Variants in ULBP3 observed in about 807,000 individuals in gnomAD.
ULBP3 encodes the protein UL16-binding protein 3.
ULBP3 carries 25 observed loss-of-function variants against 24.9 expected under a neutral mutation model. The observed-to-expected ratio is 1.00, with a 90% CI of 0.73 to 1.40. The LOEUF is 1.40. Ranked by LOEUF, ULBP3 falls within the 40% of genes most tolerant of loss-of-function variation. The pLI is 0.00. For missense variants in ULBP3, 306 were observed against 307.5 expected, an observed-to-expected ratio of 1.00 and a Z score of 0.04; for synonymous variants, 114 against 114.7, an observed-to-expected ratio of 0.99 and a Z score of 0.04.
chr6:150,061,697 A>G lies in ULBP3; in HGVS notation c.*1677T>C, dbSNP rs894938456. 1.3e-5 allele frequency among the ~76,000 whole-genome samples: 2 copies of G among 152,244 alleles called. No individual in the cohort carries two copies. The highest frequency in any genetic ancestry group is 6.5e-5 in the Admixed American group (1 of 15,284). ...TGATTCTGTGTCCTTGCTAGTAAGA[A>G]TAGCACTGTAATGAACATATTGGTG... On this transcript the variant is annotated 3_prime_UTR_variant, in exon 5 of 5. Coordinates refer to ENST00000367339, the MANE Select transcript of ULBP3 (RefSeq NM_024518.3).
At chr6:150,068,849 C>G (rs1776386212) in intron 1 of ULBP3, 130 bp downstream of exon 1, 1 of 979,516 alleles carries the variant, frequency 1.0e-6, no homozygotes, top group Non-Finnish European at 1.4e-6. Flanking sequence ...CGAATCGGAA[C>G]TGAGCGTGGG....
At position 150,063,296 on chromosome 6, in the gene ULBP3, A is replaced by C; in HGVS notation, c.*78T>G. 2 of 949,888 alleles carry C rather than the reference A, an allele frequency of 2.1e-6. No homozygotes were observed. The highest frequency in any genetic ancestry group is 9.7e-5 in the South Asian group (2 of 20,570). The allele number at this position is 949,888 out of a possible 1,614,324, so 58.8% of individuals were successfully genotyped here. On this transcript the variant is annotated 3_prime_UTR_variant, in exon 5 of 5. Transcript: ENST00000367339. ...GGTGAGTAGACAGGCGGCCTCCCTG[A>C]AGGGAGAGCAGGAACCAGACCAGGC...
rs1776390117 is a variant in ULBP3 at position 150,068,992 on chromosome 6, C to T, written c.75G>A (p.Gly25=). The change falls in exon 1 of 5, where the codon GGG becomes GGA. Residue 25 remains glycine (G), a synonymous_variant. Transcript: ENST00000367339. ...ILPYLLFDWS[G]TGRADAHSLW... ...CCCCGAACTCACCGGCCCGCCCCGT[C>T]CCGGACCAGTCGAATAGCAGGTACG... The T allele has an allele frequency of 6.2e-7, 1 of 1,611,352 alleles. No homozygotes were observed. The highest frequency in any genetic ancestry group is 1.1e-5 in the South Asian group (1 of 90,694).
intron 4 of ULBP3, 145 bp from the exon 5 acceptor site, chr6:150,063,496 G>T: frequency 3.2e-6 from 1 of 310,140 alleles, no homozygotes; most frequent in Non-Finnish European, 4.7e-6. Flanking sequence ...ACCCCTGGCT[G>T]TGCAGCCTTT....
At chr6:150,067,251 C>T (rs1028973524) in intron 1 of ULBP3, among the ~76,000 whole-genome samples, 2 of 152,306 alleles carry the variant, frequency 1.3e-5, no homozygotes, top group Non-Finnish European at 2.9e-5. Flanking sequence ...GACGCAGAGT[C>T]CATTACTAGA....
chr6:150,064,534 C>T (rs4869815), intron 4 of ULBP3, 51 bp downstream of exon 4: 180,513 of 1,529,564 alleles, frequency 0.12, 11,862 homozygotes, highest in African/African-American at 0.23. Flanking sequence ...TTCCCTTCCT[C>T]CCACCTCACC....
chr6:150,066,279 C>A, intron 1 of ULBP3, 117 bp from the exon 2 acceptor site: 2 of 1,215,100 alleles, frequency 1.6e-6, no homozygotes, highest in Non-Finnish European at 2.3e-6. Flanking sequence ...ATTTCTCTTC[C>A]TGGACGGTGG....
rs1776278138 is a variant in ULBP3 at position 150,061,912 on chromosome 6, T to A, written c.*1462A>T. ...TTTCCTCTGCAGCCTCACCACCATC[T>A]CCAACTTTGTGACTGGTAAGAGATG... On this transcript the variant is annotated 3_prime_UTR_variant, in exon 5 of 5. Transcript: ENST00000367339. 6.6e-6 allele frequency among the ~76,000 whole-genome samples: 1 copy of A among 152,182 alleles called. No homozygotes were observed.
intron 1 of ULBP3, among the ~76,000 whole-genome samples, chr6:150,067,865 C>A (rs1481324671): frequency 6.6e-6 from 1 of 152,216 alleles, no homozygotes; most frequent in Non-Finnish European, 1.5e-5. Context: ...CAAAGCTGTG[C>A]CACTCACAGC....
intron 1 of ULBP3, among the ~76,000 whole-genome samples, chr6:150,068,200 G>T (rs1776374941): frequency 6.6e-6 from 1 of 152,084 alleles, no homozygotes; most frequent in African/African-American, 2.4e-5. Context: ...ATGGCCCCTG[G>T]GGACCGTTAA....
Position 150,065,515 on chromosome 6 carries a change from C to G in ULBP3, c.511G>C (p.Glu171Gln). Residue 171 changes from glutamate to glutamine, a missense_variant, in exon 3 of 5, where the codon GAG (glutamate) becomes CAG (glutamine). Physicochemically the swap from Glu to Gln is conservative, Grantham distance 29. Coordinates refer to ENST00000367339, the MANE Select transcript of ULBP3 (RefSeq NM_024518.3). ...AGTCCGCTATCCTTCTCCCACTTCT[C>G]TTTCATCCGCCTGGCTCCAGCGTGA... is the stretch of plus-strand genomic sequence containing the variant. ...VVHAGARRMK[E>Q]KWEKDSGLTT... 4 of 1,614,188 alleles carry G rather than the reference C, an allele frequency of 2.5e-6. No homozygotes were observed. Among genetic ancestry groups the G allele is most frequent in the African/African-American group, 2.7e-5 (2 of 75,046 alleles).
At chr6:150,066,429 A>G (rs1437028338) in intron 1 of ULBP3, among the ~76,000 whole-genome samples, 1 of 152,188 alleles carries the variant, frequency 6.6e-6, no homozygotes, top group African/African-American at 2.4e-5. Flanking sequence ...AGATGGCAGG[A>G]TCTGCAGGAG....
intron 4 of ULBP3, 50 bp from the exon 5 acceptor site, chr6:150,063,401 C>G: frequency 1.1e-6 from 1 of 944,350 alleles, no homozygotes; most frequent in Non-Finnish European, 1.3e-6. Context: ...AAACCTGGGT[C>G]TGTTCTCCTG....
rs546683436 is a variant in ULBP3, at chr6:150,064,488, G to A, written c.*22+97C>T. 259 of 1,119,306 alleles carry A rather than the reference G, an allele frequency of 2.3e-4. 1 individual carries two copies. In the East Asian group the frequency reaches 3.8e-3, roughly 16 times the overall value. The allele number at this position is 1,119,306 out of a possible 1,614,324, so 69.3% of individuals were successfully genotyped here. A position where few individuals can be genotyped will look rare whatever the true frequency, so the allele number is the denominator to read the frequency against. Reference sequence around the variant, plus strand: ...TCTCATGTCAGAACGAGAAGGTCCCGGCCATGGGGAGAGGTGGGACTCTGG... The same window carrying A: ...TCTCATGTCAGAACGAGAAGGTCCCAGCCATGGGGAGAGGTGGGACTCTGG... On this transcript the variant is annotated intron_variant, in intron 4 of 4. Transcript: ENST00000367339.
chr6:150,066,842 A>G (rs1776354626), intron 1 of ULBP3, among the ~76,000 whole-genome samples: 1 of 152,306 alleles, frequency 6.6e-6, no homozygotes, highest in Non-Finnish European at 1.5e-5. Context: ...CAGACTGTCA[A>G]GAAGCTCAGG....
intron 3 of ULBP3, 71 bp downstream of exon 3, chr6:150,065,327 C>T: frequency 6.3e-7 from 1 of 1,586,640 alleles, no homozygotes; most frequent in Non-Finnish European, 8.6e-7. Flanking sequence ...CCACCATACT[C>T]AGACACTGAC....
At chr6:150,067,401 G>A (rs912250623) in intron 1 of ULBP3, among the ~76,000 whole-genome samples, 2 of 152,170 alleles carry the variant, frequency 1.3e-5, no homozygotes, top group Admixed American at 6.5e-5. Flanking sequence ...GACACTCCTA[G>A]TGGACACAGT....
rs541212402 is a variant in ULBP3 at position 150,068,867 on chromosome 6, C to T, written c.88+112G>A. 4.2e-5 allele frequency: 48 copies of T among 1,153,110 alleles called. 1 individual carries two copies. The highest frequency in any genetic ancestry group is 1.7e-4 in the South Asian group (10 of 57,312). 71.4% of individuals were successfully genotyped at this position (1,153,110 alleles called of 1,614,324 possible). On this transcript the variant is annotated intron_variant, in intron 1 of 4. Coordinates refer to ENST00000367339, the MANE Select transcript of ULBP3 (RefSeq NM_024518.3). ...ATCGGAACTGAGCGTGGGGGCAGTCCGGGGAGATCGCGCCGGTCCTTCTAG... is the reference window on the plus strand; with the variant it reads ...ATCGGAACTGAGCGTGGGGGCAGTCTGGGGAGATCGCGCCGGTCCTTCTAG...
In ULBP3 at chr6:150,065,621, G is replaced by C; in HGVS notation, c.405C>G (p.Tyr135Ter). Residue 135 changes from tyrosine (Y) to a stop codon, truncating the protein, a stop_gained, in exon 3 of 5, where the codon TAC (tyrosine) becomes TAG (stop). Coordinates refer to ENST00000367339, the MANE Select transcript of ULBP3 (RefSeq NM_024518.3). LOFTEE classifies it high-confidence loss of function. ...RMSCECEADG[Y>*]IRGSWQFSFD... is the part of the protein sequence containing the mutation. ...AGCTGAACTGCCAAGATCCACGGAT[G>C]TATCCATCGGCTTCACACTCACAAG... 1 of 1,614,192 alleles carries C rather than the reference G, an allele frequency of 6.2e-7. No homozygotes were observed. The highest frequency in any genetic ancestry group is 2.2e-5 in the East Asian group (1 of 44,882).
Sources: gnomAD v4.1 joint callset for allele counts (sites outside exome capture counted in the v4.1 genomes callset) on GRCh38, gnomAD v4.1.1 for gene constraint, MANE v1.5 for transcripts, NCBI Gene and HGNC (gene_info 2026-07-23, HGNC 2026-07-21) for gene names.